The following TCP11L1 variants were observed in gnomAD, a reference collection of about 807,000 sequenced individuals.
TCP11L1 encodes the protein T-complex protein 11-like protein 1.
Under a neutral mutation model 48.9 loss-of-function variants are expected in TCP11L1, and 28 were observed. The observed-to-expected ratio is 0.57, with a 90% confidence interval of 0.42 to 0.78. The LOEUF (loss-of-function observed/expected upper bound fraction) is 0.78, where lower values mean the gene tolerates loss of function less well. Among genes scored for constraint, TCP11L1 ranks in the 30% least tolerant of loss-of-function variants. TCP11L1 has a pLI of 0.00. For synonymous variants in TCP11L1, 204 were observed against 231.9 expected (o/e 0.88, Z 1.09); for missense variants, 505 against 613.4 (o/e 0.82, Z 1.87).
At chr11:33,043,637 A>G (rs747485532) in intron 1 of TCP11L1, 113 bp from the exon 2 acceptor site, 396 of 816,326 alleles carry the variant, frequency 4.9e-4, no homozygotes, top group Non-Finnish European at 6.5e-4. Context: ...TTATTCTACA[A>G]ACGAGAAAAC....
chr11:33,063,492 C>G (rs1564985372), intron 7 of TCP11L1, among the ~76,000 whole-genome samples: 1 of 152,304 alleles, frequency 6.6e-6, no homozygotes, highest in East Asian at 1.9e-4. Context: ...TGTTTTTACT[C>G]ATCTTGATGG....
intron 3 of TCP11L1, chr11:33,056,696 G>A (rs1260798594): frequency 1.8e-5 from 4 of 227,950 alleles, no homozygotes; most frequent in South Asian, 4.8e-5. Context: ...TGCCTGCCTC[G>A]GCCTCCAAAA....
In TCP11L1 at chr11:33,043,897, T is replaced by G. The variant is rs775766488; in HGVS notation, c.124T>G (p.Ser42Ala). 3 of 1,613,532 alleles carry G rather than the reference T, an allele frequency of 1.9e-6. No homozygotes were observed. The highest frequency in any genetic ancestry group is 2.5e-6 in the Non-Finnish European group (3 of 1,179,804). The change falls in exon 2 of 10, where the codon TCA becomes GCA. Residue 42 changes from serine (S) to alanine (A), a missense_variant. By Grantham distance (99) the Ser-to-Ala change is moderately conservative (BLOSUM62 1). Coordinates refer to ENST00000334274, the MANE Select transcript of TCP11L1 (RefSeq NM_018393.4). The part of the protein sequence containing the change: ...ADEALQKAIK[S>A]DSSSPQRVQR... ...TGAAGCCTTACAAAAAGCAATAAAG[T>G]CAGACTCCTCCAGCCCCCAAAGAGT...
At chr11:33,048,111 A>AACAAAATT (rs1271118754) in intron 2 of TCP11L1, among the ~76,000 whole-genome samples, 1 of 152,240 alleles carries the variant, frequency 6.6e-6, no homozygotes, top group Non-Finnish European at 1.5e-5. Flanking sequence ...GTAACAAAAT[A>AACAAAATT]ACAAAATTTA....
At chr11:33,070,579 A>G (rs4310578) in intron 9 of TCP11L1, among the ~76,000 whole-genome samples, 128,687 of 151,154 alleles carry the variant, frequency 0.85, 54,975 homozygotes, top group Middle Eastern at 0.95. Context: ...TAGCTACTTG[A>G]GAGGCTGAGG....
intron 5 of TCP11L1, 105 bp downstream of exon 5, chr11:33,058,244 G>C: frequency 9.0e-7 from 1 of 1,109,974 alleles, no homozygotes; most frequent in Non-Finnish European, 1.2e-6. Context: ...TGTTGCAAAG[G>C]CTGGAGTGCA....
At chr11:33,068,937 G>A in intron 9 of TCP11L1, 78 bp downstream of exon 9, 3 of 1,528,966 alleles carry the variant, frequency 2.0e-6, no homozygotes, top group Non-Finnish European at 2.7e-6. Flanking sequence ...GAAACCTGAG[G>A]GCTCAGCTGG....
chr11:33,046,956 C>T (rs1271054479), intron 2 of TCP11L1, among the ~76,000 whole-genome samples: 1 of 137,156 alleles, frequency 7.3e-6, no homozygotes, highest in Non-Finnish European at 1.7e-5. Context: ...GGCGCATTGG[C>T]TCATGCCTAT....
chr11:33,053,465 C>CT (rs1854223951), intron 2 of TCP11L1, among the ~76,000 whole-genome samples: 1 of 53,236 alleles, frequency 1.9e-5, no homozygotes, highest in African/African-American at 8.9e-5. Flanking sequence ...AGTAAGAATT[C>CT]CCCTTTGTTC....
rs1177331546 is a variant in TCP11L1 at position 33,043,902 on chromosome 11, C to T, written c.129C>T (p.Asp43=). ...DEALQKAIKS[D]SSSPQRVQRP... is the part of the protein sequence containing the mutation. ...CCTTACAAAAAGCAATAAAGTCAGA[C>T]TCCTCCAGCCCCCAAAGAGTGCAGA... The change falls in exon 2 of 10, where the codon GAC becomes GAT. Residue 43 remains aspartate, a synonymous_variant. Coordinates refer to ENST00000334274, the MANE Select transcript of TCP11L1 (RefSeq NM_018393.4). The T allele has an allele frequency of 6.2e-7, 1 of 1,613,286 alleles. No individual in the cohort carries two copies. Among genetic ancestry groups the T allele is most frequent in the African/African-American group, 1.3e-5 (1 of 74,990 alleles).
At chr11:33,041,350 T>G (rs929671885) in intron 1 of TCP11L1, 7 of 152,222 alleles carry the variant, frequency 4.6e-5, no homozygotes, top group Non-Finnish European at 8.8e-5. Context: ...GAGCATTTCC[T>G]GACCCTAATA....
intron 2 of TCP11L1, among the ~76,000 whole-genome samples, chr11:33,048,213 A>G (rs1465783275): frequency 2.7e-5 from 4 of 150,042 alleles, no homozygotes; most frequent in African/African-American, 7.4e-5. Context: ...GGATCACTCT[A>G]TGTTGCCCAG....
chr11:33,054,988 TCA>T (rs1027522536), intron 3 of TCP11L1, among the ~76,000 whole-genome samples: 47 of 152,260 alleles, frequency 3.1e-4, no homozygotes, highest in African/African-American at 1.1e-3. Context: ...TTTGAAACTA[TCA>T]CACTGCACTA....
At chr11:33,043,065 C>G (rs1458543286) in intron 1 of TCP11L1, among the ~76,000 whole-genome samples, 1 of 151,876 alleles carries the variant, frequency 6.6e-6, no homozygotes, top group Non-Finnish European at 1.5e-5. Context: ...AACTCTGTCT[C>G]AAAACAAAAC....
chr11:33,047,037 A>G, intron 2 of TCP11L1, among the ~76,000 whole-genome samples: 1 of 152,126 alleles, frequency 6.6e-6, no homozygotes, highest in Non-Finnish European at 1.5e-5. Flanking sequence ...AACCTGGCCA[A>G]CATGGTGAAA....
chr11:33,068,658 T>G (rs202043352), intron 8 of TCP11L1, 29 bp from the exon 9 acceptor site: 2 of 1,608,738 alleles, frequency 1.2e-6, no homozygotes, highest in African/African-American at 2.7e-5. Flanking sequence ...ATTTTACTTA[T>G]AGGCCCTTTC....
chr11:33,064,060 G>A (rs368077200), intron 7 of TCP11L1, among the ~76,000 whole-genome samples: 1 of 152,044 alleles, frequency 6.6e-6, no homozygotes, highest in Non-Finnish European at 1.5e-5. Context: ...ATATCCCTAA[G>A]CCCTCTCTAT....
At chr11:33,061,937 C>T (rs761455592) in intron 7 of TCP11L1, among the ~76,000 whole-genome samples, 3 of 152,082 alleles carry the variant, frequency 2.0e-5, no homozygotes, top group African/African-American at 7.2e-5. Flanking sequence ...AAAAAATTAG[C>T]TGGGCGTGGT....
At chr11:33,059,719 G>A (rs953253431) in intron 6 of TCP11L1, among the ~76,000 whole-genome samples, 7 of 152,264 alleles carry the variant, frequency 4.6e-5, no homozygotes, top group Admixed American at 1.3e-4. Flanking sequence ...CTTTGCTGAC[G>A]AGGAGATGAA....
Sources: allele counts gnomAD v4.1 joint callset (sites outside exome capture counted in the v4.1 genomes callset), GRCh38; gene constraint gnomAD v4.1.1; transcripts MANE v1.5; gene names NCBI Gene and HGNC (gene_info 2026-07-23, HGNC 2026-07-21).